ASIC3: variants seen among roughly 807,000 people sequenced by gnomAD.
ASIC3 encodes the protein acid-sensing ion channel 3.
In ASIC3, 46 loss-of-function variants were observed where a neutral mutation model predicts 58.6. That is an observed-to-expected ratio of 0.79 (90% CI 0.62 to 1.00). The LOEUF (loss-of-function observed/expected upper bound fraction) is 1.00, where lower values mean the gene tolerates loss of function less well. Ranked by LOEUF, ASIC3 falls within the 50% of genes least tolerant of loss-of-function variation. The pLI is 0.00. For missense variants in ASIC3, 770 were observed against 735.0 expected, an observed-to-expected ratio of 1.05 and a Z score of -0.55; for synonymous variants, 336 against 300.2, an observed-to-expected ratio of 1.12 and a Z score of -1.23.
In ASIC3 at chr7:151,049,288, C is replaced by T. The variant is rs202138681; in HGVS notation, c.403C>T (p.Pro135Ser). Residue 135 changes from proline to serine, a missense_variant, in exon 1 of 11, where the codon CCG (proline) becomes TCG (serine). Pro to Ser is a moderately conservative substitution (Grantham distance 74). Coordinates refer to ENST00000349064, the MANE Select transcript of ASIC3 (RefSeq NM_004769.4). ...GCGCGCCCTGGGCCGGCCCCCTGCA[C>T]CGCCCGGCTTCATGCCCAGTCCCAC... ...FLRALGRPPA[P>S]PGFMPSPTFD... is the part of the protein sequence containing the mutation. The T allele has an allele frequency of 4.5e-5, 72 of 1,612,774 alleles. No individual in the cohort carries two copies. The East Asian group carries it at 1.5e-3, about 34-fold the overall frequency.
intron 6 of ASIC3, 74 bp from the exon 7 acceptor site, chr7:151,051,736 C>T (rs1796785741): frequency 6.7e-7 from 1 of 1,495,838 alleles, no homozygotes; most frequent in Non-Finnish European, 9.2e-7. Context: ...AGTGGGAGAA[C>T]CCACAGCTGC....
intron 1 of ASIC3, 126 bp from the exon 2 acceptor site, chr7:151,049,980 G>A: frequency 7.9e-7 from 1 of 1,265,494 alleles, no homozygotes; most frequent in Admixed American, 1.9e-5. Flanking sequence ...GCGTGGGGCT[G>A]GGGGCATTGA....
At position 151,048,542 on chromosome 7, in the gene ASIC3, C is replaced by T. The variant is rs1046019793; in HGVS notation, c.-344C>T. 3 of 300,482 alleles carry T rather than the reference C, an allele frequency of 1.0e-5. No homozygotes were observed. The highest frequency in any genetic ancestry group is 9.3e-5 in the Admixed American group (2 of 21,496). The allele number at this position is 300,482 out of a possible 1,614,324, so 18.6% of individuals were successfully genotyped here. On this transcript the variant is annotated 5_prime_UTR_variant, in exon 1 of 11. Coordinates refer to ENST00000349064, the MANE Select transcript of ASIC3 (RefSeq NM_004769.4). ...GCTGAAACCCAATCCTCTGCAGCAG[C>T]GCCGGCTCAGCACCGCCGGCTCAGC...
rs766089854 is a variant in ASIC3 at position 151,051,029 on chromosome 7, G to A, written c.1010-10G>A. The stretch of plus-strand genomic sequence containing the variant: ...GGCTGCTTCTAAAGCCATCTCCCCG[G>A]TACCCGCAGGCGACGTGCCAGTGTG... On this transcript the variant is annotated splice_polypyrimidine_tract_variant and intron_variant, in intron 4 of 10. Coordinates refer to ENST00000349064, the MANE Select transcript of ASIC3 (RefSeq NM_004769.4). 5 of 1,613,270 alleles carry A rather than the reference G, an allele frequency of 3.1e-6. No homozygotes were observed. Among genetic ancestry groups the A allele is most frequent in the Non-Finnish European group, 4.2e-6 (5 of 1,179,992 alleles).
chr7:151,048,966 C>T lies in ASIC3; in HGVS notation c.81C>T (p.His27=), dbSNP rs368976515. ...TGTTCGCCAGCAACTGCTCGATGCACGGGCTGGGCCACGTCTTCGGGCCAG... is the reference window on the plus strand; with the variant it reads ...TGTTCGCCAGCAACTGCTCGATGCATGGGCTGGGCCACGTCTTCGGGCCAG... ...IRVFASNCSM[H]GLGHVFGPGS... is the part of the protein sequence containing the mutation. Residue 27 remains histidine (H), a synonymous_variant, in exon 1 of 11, where the codon CAC becomes CAT. Transcript: ENST00000349064. 93 of 1,601,338 alleles carry T rather than the reference C, an allele frequency of 5.8e-5. No individual in the cohort carries two copies. The highest frequency in any genetic ancestry group is 4.8e-5 in the Non-Finnish European group (56 of 1,171,044).
chr7:151,051,331 G>T lies in ASIC3; in HGVS notation c.1214+12G>T. 4.1e-6 allele frequency: 6 copies of T among 1,476,538 alleles called. No individual in the cohort carries two copies. The highest frequency in any genetic ancestry group is 2.7e-5 in the East Asian group (1 of 36,640). 91.5% of individuals were successfully genotyped at this position (1,476,538 alleles called of 1,614,324 possible). A position where few individuals can be genotyped will look rare whatever the true frequency, so the allele number is the denominator to read the frequency against. ...GAGGCCTACATCGCGTGAGCTGCGC[G>T]GGGCGGGCGGGCTCCTCCGAGCCGG... On this transcript the variant is annotated intron_variant, in intron 6 of 10. Coordinates refer to ENST00000349064, the MANE Select transcript of ASIC3 (RefSeq NM_004769.4).
Position 151,049,022 on chromosome 7 carries a change from C to T in ASIC3, c.137C>T (p.Ala46Val), listed in dbSNP as rs139231811. The change falls in exon 1 of 11, where the codon GCA becomes GTA. Residue 46 changes from alanine (A) to valine (V), a missense_variant. Physicochemically the swap from Ala to Val is moderately conservative, Grantham distance 64. Transcript: ENST00000349064. Reference sequence around the variant, plus strand: ...CTGAGCCTGCGCCGGGGGATGTGGGCAGCGGCCGTGGTCCTGTCAGTGGCC... The same window carrying T: ...CTGAGCCTGCGCCGGGGGATGTGGGTAGCGGCCGTGGTCCTGTCAGTGGCC... ...GSLSLRRGMW[A>V]AAVVLSVATF... 151 of 1,613,356 alleles carry T rather than the reference C, an allele frequency of 9.4e-5. No homozygotes were observed. The highest frequency in any genetic ancestry group is 1.2e-4 in the Non-Finnish European group (140 of 1,179,784).
Position 151,052,128 on chromosome 7 carries a change from G to C in ASIC3, c.1387-38G>C, listed in dbSNP as rs781338779. On this transcript the variant is annotated intron_variant, in intron 8 of 10. Transcript: ENST00000349064. This position sits in a 1 kb window ranked among gnomAD's most constrained non-coding sequence, Gnocchi z 5.0. ...TCAGGGCCCCTAGGATGAGGGGGAA[G>C]GTGTGCACTGGCCACCTCCCATCCT... is the stretch of plus-strand genomic sequence containing the variant. 10 of 1,613,894 alleles carry C rather than the reference G, an allele frequency of 6.2e-6. No homozygotes were observed. Among genetic ancestry groups the C allele is most frequent in the Non-Finnish European group, 1.7e-6 (2 of 1,179,918 alleles).
Position 151,050,823 on chromosome 7 carries a change from A to G in ASIC3, c.879A>G (p.Pro293=), listed in dbSNP as rs776943061. Residue 293 remains proline (P), a synonymous_variant, in exon 4 of 11, where the codon CCA becomes CCG. Transcript: ENST00000349064. ...SSASLNPNYE[P]EPSDPLGSPS... ...CATCTCTGAACCCCAACTATGAGCC[A>G]GAGCCCTCTGATCCCCTAGGCTCCC... The G allele has an allele frequency of 6.2e-7, 1 of 1,613,694 alleles. No individual in the cohort carries two copies. Among genetic ancestry groups the G allele is most frequent in the South Asian group, 1.1e-5 (1 of 91,074 alleles).
At position 151,049,011 on chromosome 7, in the gene ASIC3, G is replaced by C; in HGVS notation, c.126G>C (p.Arg42=). 1 of 1,612,530 alleles carries C rather than the reference G, an allele frequency of 6.2e-7. No homozygotes were observed. The highest frequency in any genetic ancestry group is 8.5e-7 in the Non-Finnish European group (1 of 1,178,916). Reference sequence around the variant, plus strand: ...GGCCAGGCAGCCTGAGCCTGCGCCGGGGGATGTGGGCAGCGGCCGTGGTCC... The same window carrying C: ...GGCCAGGCAGCCTGAGCCTGCGCCGCGGGATGTGGGCAGCGGCCGTGGTCC... ...VFGPGSLSLR[R]GMWAAAVVLS... The change falls in exon 1 of 11, where the codon CGG becomes CGC. Residue 42 remains arginine, a synonymous_variant. Transcript: ENST00000349064.
At chr7:151,049,626 G>C (rs952005306) in intron 1 of ASIC3, among the ~76,000 whole-genome samples, 1 of 152,228 alleles carries the variant, frequency 6.6e-6, no homozygotes, top group Non-Finnish European at 1.5e-5. Context: ...CTCCCAGCCC[G>C]AGGGGAGCAT....
chr7:151,051,132 C>G lies in ASIC3; in HGVS notation c.1066+37C>G, dbSNP rs778829040. 1.0e-5 allele frequency: 16 copies of G among 1,601,450 alleles called. 1 individual carries two copies. The South Asian group carries it at 1.8e-4, about 18-fold the overall frequency. On this transcript the variant is annotated intron_variant, in intron 5 of 10. Transcript: ENST00000349064. The stretch of plus-strand genomic sequence containing the variant: ...CCTCCCCCACCTCCCGTCCGCCCCG[C>G]TCCGCCCGCGGGCGTCTGACGCGGC...
chr7:151,049,610 C>T (rs993571397), intron 1 of ASIC3, among the ~76,000 whole-genome samples, 191 bp downstream of exon 1: 2 of 152,224 alleles, frequency 1.3e-5, no homozygotes, highest in African/African-American at 4.8e-5. Flanking sequence ...TTGGGGCTTT[C>T]TCTGTCTCCC....
At chr7:151,049,698 C>T (rs1036695945) in intron 1 of ASIC3, among the ~76,000 whole-genome samples, 3 of 152,240 alleles carry the variant, frequency 2.0e-5, no homozygotes, top group Non-Finnish European at 4.4e-5. Flanking sequence ...AGGCCCTGCT[C>T]CTGGGGCTGG....
chr7:151,050,986 C>G (rs775716985), intron 4 of ASIC3, 33 bp downstream of exon 4: 2 of 1,613,178 alleles, frequency 1.2e-6, no homozygotes, highest in Non-Finnish European at 1.7e-6. Context: ...CCATGGCGGG[C>G]AGGGCCCAGG....
In ASIC3 at chr7:151,050,110, T is replaced by TCACC; in HGVS notation, c.541_544dup (p.Arg182HisfsTer10). 6.2e-7 allele frequency: 1 copy of TCACC among 1,613,950 alleles called. No individual in the cohort carries two copies. The highest frequency in any genetic ancestry group is 8.5e-7 in the Non-Finnish European group (1 of 1,179,956). ...CACCCTGTCTGCCCGCCCCAGATCT[T>TCACC]CACCCGGATGGGAAAGTGCTACACA... On this transcript the variant is annotated frameshift_variant, in exon 2 of 11. Transcript: ENST00000349064. LOFTEE classifies it high-confidence loss of function.
chr7:151,052,127 A>G lies in ASIC3; in HGVS notation c.1387-39A>G, dbSNP rs1796798006. On this transcript the variant is annotated intron_variant, in intron 8 of 10. Transcript: ENST00000349064. The surrounding 1 kb of genome is among the most constrained non-coding windows in gnomAD (Gnocchi z 5.0). ...ATCAGGGCCCCTAGGATGAGGGGGA[A>G]GGTGTGCACTGGCCACCTCCCATCC... 1.2e-6 allele frequency: 2 copies of G among 1,613,714 alleles called. No individual in the cohort carries two copies. Among genetic ancestry groups the G allele is most frequent in the African/African-American group, 1.3e-5 (1 of 74,874 alleles).
chr7:151,049,180 C>T lies in ASIC3; in HGVS notation c.295C>T (p.Arg99Cys), dbSNP rs952879866. ...VTLCNINPLRRSRLTPNDLHW... is the reference protein window; with the variant it reads ...VTLCNINPLRCSRLTPNDLHW... ...CCTGTGCAACATCAACCCACTGCGCCGCTCGCGCCTAACGCCCAACGACCT... is the reference window on the plus strand; with the variant it reads ...CCTGTGCAACATCAACCCACTGCGCTGCTCGCGCCTAACGCCCAACGACCT... Residue 99 changes from arginine to cysteine, a missense_variant, in exon 1 of 11, where the codon CGC (arginine) becomes TGC (cysteine). Coordinates refer to ENST00000349064, the MANE Select transcript of ASIC3 (RefSeq NM_004769.4). 7 of 1,613,706 alleles carry T rather than the reference C, an allele frequency of 4.3e-6. No individual in the cohort carries two copies. Among genetic ancestry groups the T allele is most frequent in the East Asian group, 2.2e-5 (1 of 44,878 alleles).
intron 6 of ASIC3, 73 bp downstream of exon 6, chr7:151,051,392 C>G: frequency 5.7e-6 from 8 of 1,405,726 alleles, no homozygotes; most frequent in Non-Finnish European, 6.4e-6. Flanking sequence ...CAGGCCAGGC[C>G]GTAGCCCTAG....
Sources: allele counts gnomAD v4.1 joint callset (sites outside exome capture counted in the v4.1 genomes callset), GRCh38; gene constraint gnomAD v4.1.1; non-coding constraint Gnocchi (gnomAD v3.1); transcripts MANE v1.5; gene names NCBI Gene and HGNC (gene_info 2026-07-23, HGNC 2026-07-21).